The following BCAP31 variants were observed in gnomAD, a reference collection of about 807,000 sequenced individuals.
The protein encoded by BCAP31 is B-cell receptor-associated protein 31.
For missense variants in BCAP31, 124 were observed against 193.0 expected (o/e 0.64, Z 2.12); for synonymous variants, 75 against 80.9 (o/e 0.93, Z 0.39).
intron 4 of BCAP31, among the ~76,000 whole-genome samples, chrX:153,711,474 G>A (rs3819631): frequency 3.6e-5 from 4 of 112,383 alleles, no homozygotes; most frequent in African/African-American, 6.5e-5. Flanking sequence ...TCTCTACCAC[G>A]CAGAAAAGTT....
At chrX:153,712,051 G>A (rs1375091939) in intron 4 of BCAP31, among the ~76,000 whole-genome samples, 4 of 112,123 alleles carry the variant, frequency 3.6e-5, no homozygotes, top group African/African-American at 1.3e-4. Context: ...TGAGGCCACT[G>A]TTTATGACAT....
At chrX:153,719,852 G>A (rs2091652967) in intron 3 of BCAP31, among the ~76,000 whole-genome samples, 1 of 112,013 alleles carries the variant, frequency 8.9e-6, no homozygotes, top group African/African-American at 3.2e-5. Context: ...CAAAATGTCT[G>A]CCTTTCATCT....
chrX:153,702,724 C>A (rs782446278), intron 6 of BCAP31, among the ~76,000 whole-genome samples: 1 of 112,859 alleles, frequency 8.9e-6, no homozygotes, highest in South Asian at 3.6e-4. Context: ...TCCTCCTGAG[C>A]CCCATTCAAA....
intron 4 of BCAP31, among the ~76,000 whole-genome samples, chrX:153,714,586 A>G (rs1471842475): frequency 9.0e-6 from 1 of 110,995 alleles, no homozygotes; most frequent in Non-Finnish European, 1.9e-5. Flanking sequence ...TAGTCATCGT[A>G]GCGCCTAGTA....
chrX:153,709,763 C>T (rs1465518527), intron 4 of BCAP31, among the ~76,000 whole-genome samples: 3 of 113,208 alleles, frequency 2.6e-5, no homozygotes, highest in South Asian at 7.2e-4. Flanking sequence ...CTAAAGCTGT[C>T]GCCGTCAGCC....
At position 153,701,944 on chromosome X, in the gene BCAP31, G is replaced by A. The variant is rs1297027516; in HGVS notation, c.702+63C>T. 2.0e-5 allele frequency: 22 copies of A among 1,091,234 alleles called. No individual in the cohort carries two copies. The East Asian group carries it at 2.8e-4, about 14-fold the overall frequency. The allele number at this position is 1,091,234 out of a possible 1,213,427, so 89.9% of individuals were successfully genotyped here. On this transcript the variant is annotated intron_variant, in intron 7 of 7. Transcript: ENST00000345046. ...CCCCTGGAAGGTTCCCTCCGCACCC[G>A]CAGGGGCTGCCTCATCCTGCTCTGC...
chrX:153,715,454 A>G, intron 4 of BCAP31, 88 bp downstream of exon 4: 5 of 1,120,029 alleles, frequency 4.5e-6, no homozygotes, highest in South Asian at 1.9e-5. Flanking sequence ...TCAAAGTCAC[A>G]GGGGGGAGAC....
intron 4 of BCAP31, among the ~76,000 whole-genome samples, chrX:153,713,182 G>A (rs1170923456): frequency 2.7e-5 from 3 of 111,007 alleles, no homozygotes; most frequent in African/African-American, 6.6e-5. Context: ...ACTCCTGCCT[G>A]GGCGACAGAG....
Position 153,720,922 on chromosome X carries a change from C to G in BCAP31, c.143G>C (p.Gly48Ala), listed in dbSNP as rs1557050903. ...AATGAGAACCACAAAGAAGGTGTTGCCATAGGACACTAACAACTCCACCAG... is the reference window on the plus strand; with the variant it reads ...AATGAGAACCACAAAGAAGGTGTTGGCATAGGACACTAACAACTCCACCAG... ...SRLVELLVSY[G>A]NTFFVVLIVI... The change falls in exon 3 of 8, where the codon GGC (glycine) becomes GCC (alanine). Residue 48 changes from glycine (G) to alanine (A), a missense_variant. Physicochemically the swap from Gly to Ala is moderately conservative, Grantham distance 60. Coordinates refer to ENST00000345046, the MANE Select transcript of BCAP31 (RefSeq NM_001256447.2). 8.3e-7 allele frequency: 1 copy of G among 1,210,002 alleles called. No homozygotes were observed. Among genetic ancestry groups the G allele is most frequent in the African/African-American group, 1.7e-5 (1 of 57,205 alleles).
intron 6 of BCAP31, 149 bp downstream of exon 6, chrX:153,702,786 G>A: frequency 1.2e-6 from 1 of 850,989 alleles, no homozygotes; most frequent in Non-Finnish European, 1.6e-6. Context: ...TGGGGTTGGA[G>A]GCGCAGGGTG....
At chrX:153,710,246 A>G (rs2091581967) in intron 4 of BCAP31, among the ~76,000 whole-genome samples, 1 of 111,488 alleles carries the variant, frequency 9.0e-6, no homozygotes, top group South Asian at 3.8e-4. Flanking sequence ...TGCACAGGCC[A>G]AAGGGGGGAA....
intron 3 of BCAP31, among the ~76,000 whole-genome samples, chrX:153,716,166 CAA>C (rs781978720): frequency 8.5e-5 from 7 of 82,348 alleles, no homozygotes. Flanking sequence ...AACTCCATCT[CAA>C]AAAAAAAAAA....
At chrX:153,703,139 G>C in intron 5 of BCAP31, 81 bp from the exon 6 acceptor site, 1 of 1,151,084 alleles carries the variant, frequency 8.7e-7, no homozygotes, top group Non-Finnish European at 1.2e-6. Context: ...ACCGAGCTGC[G>C]GTTCCTCAAG....
At chrX:153,714,990 C>T (rs2091617223) in intron 4 of BCAP31, among the ~76,000 whole-genome samples, 1 of 111,540 alleles carries the variant, frequency 9.0e-6, no homozygotes, top group Non-Finnish European at 1.9e-5. Flanking sequence ...GACTAGTTAC[C>T]CTTAGCCTTG....
chrX:153,703,776 G>C (rs1213304494), intron 5 of BCAP31, among the ~76,000 whole-genome samples, 183 bp downstream of exon 5: 1 of 112,240 alleles, frequency 8.9e-6, no homozygotes, highest in Non-Finnish European at 1.9e-5. Flanking sequence ...CTCACACACA[G>C]ACGCCTCCAG....
intron 4 of BCAP31, chrX:153,705,037 A>G (rs1318062841): frequency 1.8e-5 from 2 of 108,118 alleles, no homozygotes; most frequent in African/African-American, 6.5e-5. Context: ...GGACTCGTTC[A>G]AACAGTCAAA....
At chrX:153,701,124 G>T in intron 7 of BCAP31, 149 bp from the exon 8 acceptor site, 1 of 501,495 alleles carries the variant, frequency 2.0e-6, no homozygotes, top group Non-Finnish European at 3.4e-6. Flanking sequence ...CTCCCCAGCT[G>T]CACCCAAAGG....
At chrX:153,721,126 G>C in intron 2 of BCAP31, 154 bp from the exon 3 acceptor site, 1 of 464,110 alleles carries the variant, frequency 2.2e-6, no homozygotes, top group Non-Finnish European at 3.7e-6. Context: ...TCTCTAATTT[G>C]ACATCCATTC....
rs868934963 is a variant in BCAP31, at chrX:153,721,058, T to G, written c.93-86A>C. ...CCTGAGCAAAATGGAAATCCAGCTT[T>G]GTACTCTTCTCCAATGGCCGAATAG... On this transcript the variant is annotated intron_variant, in intron 2 of 7. Transcript: ENST00000345046. The G allele has an allele frequency of 3.8e-5, 31 of 807,287 alleles. No individual in the cohort carries two copies. The African/African-American group carries it at 5.3e-4, about 14-fold the overall frequency. 66.5% of individuals were successfully genotyped at this position (807,287 alleles called of 1,213,427 possible).
Sources: allele counts gnomAD v4.1 joint callset (sites outside exome capture counted in the v4.1 genomes callset), GRCh38; gene constraint gnomAD v4.1.1; transcripts MANE v1.5; gene names NCBI Gene and HGNC (gene_info 2026-07-23, HGNC 2026-07-21).